Variants in MEI1 observed in about 807,000 individuals in gnomAD.
MEI1 encodes the protein meiosis inhibitor protein 1.
Under a neutral mutation model 146.2 loss-of-function variants are expected in MEI1, and 103 were observed. The observed-to-expected ratio is 0.70, with a 90% confidence interval of 0.60 to 0.83. The LOEUF (loss-of-function observed/expected upper bound fraction) is 0.83. Ranked by LOEUF, MEI1 falls within the 40% of genes least tolerant of loss-of-function variation. The pLI, the probability that MEI1 is intolerant of heterozygous loss-of-function variation, is 0.00. For missense variants in MEI1, 1,529 were observed against 1,533.0 expected (o/e 1.00, Z 0.04); for synonymous variants, 652 against 628.2 (o/e 1.04, Z -0.57).
intron 19 of MEI1, among the ~76,000 whole-genome samples, chr22:41,764,237 G>A (rs1477548890): frequency 6.6e-6 from 1 of 152,178 alleles, no homozygotes; most frequent in African/African-American, 2.4e-5. Context: ...TGGGATTACA[G>A]GCGTGAGCCA....
chr22:41,783,384 C>T (rs532055408), intron 24 of MEI1, among the ~76,000 whole-genome samples: 18 of 151,440 alleles, frequency 1.2e-4, no homozygotes, highest in African/African-American at 4.1e-4. Flanking sequence ...CCTCTGCCTC[C>T]TGGGTTCAAG....
intron 19 of MEI1, chr22:41,767,472 T>C: frequency 2.3e-6 from 1 of 434,446 alleles, no homozygotes; most frequent in South Asian, 1.6e-5. Flanking sequence ...TGTGTTAAGG[T>C]ATGTGTCTGA....
rs547202066 is a variant in MEI1, at chr22:41,798,778, C to A, written c.3780-476C>A. On this transcript the variant is annotated intron_variant, in intron 30 of 30. Transcript: ENST00000401548. ...AGCTACTTGGGAGGATGAGGCAGGA[C>A]AATCACTTGAACCTGGGAGGTGGAG... Among the ~76,000 whole-genome samples, 8 of 148,868 alleles carry A rather than the reference C, an allele frequency of 5.4e-5. 1 individual carries two copies. The East Asian group carries it at 1.6e-3, about 30-fold the overall frequency.
chr22:41,725,882 G>T (rs143518365), intron 7 of MEI1, among the ~76,000 whole-genome samples: 2 of 152,186 alleles, frequency 1.3e-5, no homozygotes, highest in Non-Finnish European at 2.9e-5. Context: ...TGCTCGGCAC[G>T]GGGGCTGGCA....
chr22:41,782,661 A>G (rs144677802), intron 24 of MEI1, among the ~76,000 whole-genome samples: 7 of 152,356 alleles, frequency 4.6e-5, no homozygotes, highest in African/African-American at 1.7e-4. Flanking sequence ...TAGAGGGGCA[A>G]CAAGCTGTGG....
chr22:41,737,338 G>A (rs975998067), intron 11 of MEI1, among the ~76,000 whole-genome samples: 2 of 151,652 alleles, frequency 1.3e-5, no homozygotes, highest in South Asian at 2.1e-4. Context: ...CTGGATTCAC[G>A]CCATTCTCCT....
intron 20 of MEI1, among the ~76,000 whole-genome samples, chr22:41,772,370 TGGCA>T (rs1458117560): frequency 6.6e-6 from 1 of 152,120 alleles, no homozygotes; most frequent in African/African-American, 2.4e-5. Context: ...TGGCTGGGCG[TGGCA>T]GCTCATGCCT....
chr22:41,714,826 A>G (rs1170504222), intron 4 of MEI1, among the ~76,000 whole-genome samples: 1 of 152,100 alleles, frequency 6.6e-6, no homozygotes, highest in Non-Finnish European at 1.5e-5. Context: ...GTTTGCAGTG[A>G]GCTGAGATCG....
chr22:41,706,501 A>G (rs1029598335), intron 3 of MEI1, among the ~76,000 whole-genome samples: 1 of 152,178 alleles, frequency 6.6e-6, no homozygotes, highest in Non-Finnish European at 1.5e-5. Flanking sequence ...ACTCTTTTTT[A>G]GTACATCTCG....
intron 15 of MEI1, 32 bp downstream of exon 15, chr22:41,748,250 G>A (rs902404199): frequency 4.9e-6 from 7 of 1,423,954 alleles, no homozygotes; most frequent in Non-Finnish European, 4.0e-6. Context: ...AGGTTGGGAG[G>A]GAGGCAAGCA....
rs1373465682 is a variant in MEI1, at chr22:41,745,937, G to A, written c.1591G>A (p.Ala531Thr). The change falls in exon 14 of 31, where the codon GCT becomes ACT. Residue 531 changes from alanine (A) to threonine (T), a missense_variant. Coordinates refer to ENST00000401548, the MANE Select transcript of MEI1 (RefSeq NM_152513.4). ...TTCAGCCCAGGAGAATCCATTCACA[G>A]CTCCCAGCGCCAAGAAGGAAGACAC... ...EPSAQENPFT[A>T]PSAKKEDTLE... 6 of 1,613,402 alleles carry A rather than the reference G, an allele frequency of 3.7e-6. No individual in the cohort carries two copies. Among genetic ancestry groups the A allele is most frequent in the Non-Finnish European group, 5.1e-6 (6 of 1,179,568 alleles).
intron 21 of MEI1, among the ~76,000 whole-genome samples, chr22:41,777,404 C>A (rs1372861258): frequency 6.6e-6 from 1 of 152,114 alleles, no homozygotes; most frequent in African/African-American, 2.4e-5. Flanking sequence ...GATCCGCCCG[C>A]CTCAGCCTCC....
intron 11 of MEI1, among the ~76,000 whole-genome samples, chr22:41,735,113 C>T (rs899320203): frequency 6.6e-6 from 1 of 151,600 alleles, no homozygotes; most frequent in Non-Finnish European, 1.5e-5. Flanking sequence ...AGGCGCGCGC[C>T]ACCACACCTG....
chr22:41,713,432 A>G (rs1028508866), intron 3 of MEI1, among the ~76,000 whole-genome samples: 5 of 151,900 alleles, frequency 3.3e-5, no homozygotes, highest in African/African-American at 1.2e-4. Context: ...ACACCACTGC[A>G]CTTTAGCCTG....
At chr22:41,767,124 G>A (rs975691736) in intron 19 of MEI1, among the ~76,000 whole-genome samples, 9 of 152,272 alleles carry the variant, frequency 5.9e-5, no homozygotes, top group Admixed American at 5.2e-4. Flanking sequence ...GCTCGTGGAC[G>A]TCTTCCCCAT....
chr22:41,769,938 C>T (rs1392725488), intron 19 of MEI1, among the ~76,000 whole-genome samples: 1 of 151,244 alleles, frequency 6.6e-6, no homozygotes, highest in Non-Finnish European at 1.5e-5. Context: ...GGTTTGAAAC[C>T]AGCCTGACCA....
intron 1 of MEI1, among the ~76,000 whole-genome samples, chr22:41,700,620 G>A (rs951365623): frequency 2.6e-5 from 4 of 152,132 alleles, no homozygotes; most frequent in Non-Finnish European, 4.4e-5. Flanking sequence ...CGTGAGCCAC[G>A]GTGCCCGACC....
At chr22:41,780,416 G>A (rs1337288447) in intron 22 of MEI1, among the ~76,000 whole-genome samples, 1 of 152,034 alleles carries the variant, frequency 6.6e-6, no homozygotes, top group Admixed American at 6.6e-5. Flanking sequence ...AGGGAGATGG[G>A]AAGTGGGAGT....
At chr22:41,745,112 G>A (rs1485712377) in intron 13 of MEI1, 48 bp downstream of exon 13, 2 of 1,331,130 alleles carry the variant, frequency 1.5e-6, no homozygotes, top group African/African-American at 3.0e-5. Flanking sequence ...AGGTAGGGGT[G>A]GAAGGGATTC....
Sources: allele counts gnomAD v4.1 joint callset (sites outside exome capture counted in the v4.1 genomes callset), GRCh38; gene constraint gnomAD v4.1.1; transcripts MANE v1.5; gene names NCBI Gene and HGNC (gene_info 2026-07-23, HGNC 2026-07-21).